Variants in GTF2B observed in about 807,000 individuals in gnomAD.
The protein encoded by GTF2B is transcription initiation factor IIB.
In GTF2B, 20 loss-of-function variants were observed where a neutral mutation model predicts 34.6. That is an observed-to-expected ratio of 0.58 (90% CI 0.41 to 0.84). GTF2B has a LOEUF of 0.84. GTF2B is among the 40% of genes least tolerant of loss of function. The probability of loss-of-function intolerance (pLI) is 0.00; values close to 1 mark genes in which losing one functional copy is unlikely to be tolerated. For synonymous variants in GTF2B, 142 were observed against 132.4 expected, an observed-to-expected ratio of 1.07 and a Z score of -0.50; for missense variants, 237 against 393.3, an observed-to-expected ratio of 0.60 and a Z score of 3.36.
intron 2 of GTF2B, among the ~76,000 whole-genome samples, chr1:88,881,397 G>C (rs986994984): frequency 2.0e-5 from 3 of 152,090 alleles, no homozygotes; most frequent in Non-Finnish European, 4.4e-5. Flanking sequence ...CTCATCAAGT[G>C]ACATATGATT....
intron 3 of GTF2B, among the ~76,000 whole-genome samples, chr1:88,863,457 C>T (rs1039742686): frequency 6.6e-6 from 1 of 152,128 alleles, no homozygotes; most frequent in African/African-American, 2.4e-5. Context: ...AATTCTTCTG[C>T]CTCAGCCTCG....
intron 2 of GTF2B, among the ~76,000 whole-genome samples, chr1:88,873,566 T>C (rs10218485): frequency 0.12 from 17,674 of 152,056 alleles, 2,476 homozygotes; most frequent in African/African-American, 0.34. Context: ...AAAATAGTAG[T>C]GACTTAAACA....
intron 2 of GTF2B, among the ~76,000 whole-genome samples, chr1:88,870,900 T>C (rs1673677209): frequency 7.1e-6 from 1 of 141,470 alleles, no homozygotes. Context: ...CACAGTCTTT[T>C]TTTTTTTTTT....
At position 88,881,919 on chromosome 1, in the gene GTF2B, TCTTC is replaced by T. The variant is rs544753948; in HGVS notation, c.124+5338_124+5341del. ...AAGCATACAAGTCTTGTGAATTGTA[TCTTC>T]CTTTTTCAGTTGATTAATCTCCACT... On this transcript the variant is annotated intron_variant, in intron 2 of 6. Transcript: ENST00000370500. 3.6e-4 allele frequency among the ~76,000 whole-genome samples: 55 copies of T among 152,258 alleles called. No homozygotes were observed. In the East Asian group the frequency reaches 0.01, roughly 28 times the overall value.
rs537165666 is a variant in GTF2B, at chr1:88,891,539, A to C, written c.-40T>G. ...CGGTGCCCGCAACAAGACACAACAG[A>C]CACACCGAAAGCAGGAAGCGAATGT... On this transcript the variant is annotated 5_prime_UTR_variant, in exon 1 of 7. Coordinates refer to ENST00000370500, the MANE Select transcript of GTF2B (RefSeq NM_001514.6). 1.4e-5 allele frequency: 22 copies of C among 1,584,460 alleles called. No individual in the cohort carries two copies. In the East Asian group the frequency reaches 4.3e-4, roughly 31 times the overall value.
At chr1:88,867,106 C>G (rs2100968950) in intron 2 of GTF2B, among the ~76,000 whole-genome samples, 1 of 152,266 alleles carries the variant, frequency 6.6e-6, no homozygotes, top group African/African-American at 2.4e-5. Flanking sequence ...GTACTATTCA[C>G]CAACAAGCCC....
chr1:88,887,620 T>C (rs1034831616), intron 1 of GTF2B: 7 of 394,784 alleles, frequency 1.8e-5, no homozygotes, highest in Middle Eastern at 7.9e-4. Context: ...TAGAAAATAA[T>C]TGTTTCTTCT....
chr1:88,875,832 C>T (rs12057453), intron 2 of GTF2B, among the ~76,000 whole-genome samples: 43,577 of 152,030 alleles, frequency 0.29, 7,095 homozygotes, highest in Admixed American at 0.37. Context: ...CAGTGACCAA[C>T]CAGCACAGTG....
chr1:88,857,690 C>T (rs1053432289), intron 5 of GTF2B, among the ~76,000 whole-genome samples: 2 of 5,660 alleles, frequency 3.5e-4, no homozygotes, highest in African/African-American at 6.8e-4. Context: ...GTTCATCACA[C>T]CTTTTTTTTT....
rs151067616 is a variant in GTF2B, at chr1:88,857,745, G to A, written c.536-258C>T. Among the ~76,000 whole-genome samples the A allele has an allele frequency of 2.9e-3, 345 of 119,034 alleles. 2 individuals carry two copies. Among genetic ancestry groups the A allele is most frequent in the African/African-American group, 0.011 (334 of 31,332 alleles). The allele number at this position is 119,034 out of a possible 152,430, so 78.1% of individuals were successfully genotyped here. On this transcript the variant is annotated intron_variant, in intron 5 of 6. Coordinates refer to ENST00000370500, the MANE Select transcript of GTF2B (RefSeq NM_001514.6). ...TCGCCCAGACTAAGGGTAGTGGCAT[G>A]ATCTCAGCTCACTGCAACCTCCACC...
chr1:88,885,088 G>A (rs1300304646), intron 2 of GTF2B, among the ~76,000 whole-genome samples: 2 of 152,200 alleles, frequency 1.3e-5, no homozygotes, highest in African/African-American at 4.8e-5. Context: ...GTTGTAATGT[G>A]AAAAGAGTCA....
intron 2 of GTF2B, among the ~76,000 whole-genome samples, chr1:88,865,286 TG>T (rs1673523715): frequency 6.6e-6 from 1 of 152,228 alleles, no homozygotes; most frequent in Non-Finnish European, 1.5e-5. Context: ...ATAATACCCA[TG>T]TACAGTGCAT....
At chr1:88,881,041 A>AAGG (rs1319802985) in intron 2 of GTF2B, among the ~76,000 whole-genome samples, 69 of 150,582 alleles carry the variant, frequency 4.6e-4, no homozygotes, top group African/African-American at 1.7e-3. Flanking sequence ...CTAGTAAGTG[A>AAGG]AGGTACAATT....
chr1:88,864,593 A>G (rs1238092215), intron 2 of GTF2B, among the ~76,000 whole-genome samples: 1 of 152,244 alleles, frequency 6.6e-6, no homozygotes, highest in African/African-American at 2.4e-5. Context: ...CAATCTGATG[A>G]AAAACATACC....
intron 3 of GTF2B, 126 bp downstream of exon 3, chr1:88,863,855 G>A (rs1673493817): frequency 7.9e-6 from 6 of 763,736 alleles, no homozygotes; most frequent in African/African-American, 1.7e-5. Context: ...TGATATTACT[G>A]GCAAATCTTA....
intron 2 of GTF2B, among the ~76,000 whole-genome samples, chr1:88,882,829 T>C (rs553280200): frequency 6.6e-4 from 101 of 152,364 alleles, no homozygotes; most frequent in African/African-American, 2.4e-3. Flanking sequence ...CTTCTCCTGA[T>C]AATGGCCTTT....
chr1:88,883,704 A>G (rs979983710), intron 2 of GTF2B, among the ~76,000 whole-genome samples: 4 of 152,186 alleles, frequency 2.6e-5, no homozygotes, highest in East Asian at 3.9e-4. Flanking sequence ...TACGTGCACA[A>G]GAGTGAATGA....
intron 6 of GTF2B, 116 bp from the exon 7 acceptor site, chr1:88,853,462 A>G: frequency 1.1e-6 from 1 of 914,666 alleles, no homozygotes; most frequent in Non-Finnish European, 1.7e-6. Flanking sequence ...AAACAAAACC[A>G]GAAGTGATTT....
chr1:88,859,988 C>G lies in GTF2B; in HGVS notation c.429G>C (p.Lys143Asn). The G allele has an allele frequency of 6.2e-7, 1 of 1,613,708 alleles. No individual in the cohort carries two copies. Among genetic ancestry groups the G allele is most frequent in the Non-Finnish European group, 8.5e-7 (1 of 1,179,668 alleles). ...NIVDRTNNLF[K>N]QVYEQKSLKG... Reference sequence around the variant, plus strand: ...TCAGGCTCTTCTGTTCATATACTTGCTTGAATAAATTATTTGTTCGATCCT... The same window carrying G: ...TCAGGCTCTTCTGTTCATATACTTGGTTGAATAAATTATTTGTTCGATCCT... The change falls in exon 5 of 7, where the codon AAG becomes AAC. Residue 143 changes from lysine to asparagine, a missense_variant. Coordinates refer to ENST00000370500, the MANE Select transcript of GTF2B (RefSeq NM_001514.6).
Sources: allele counts gnomAD v4.1 joint callset (sites outside exome capture counted in the v4.1 genomes callset), GRCh38; gene constraint gnomAD v4.1.1; transcripts MANE v1.5; gene names NCBI Gene and HGNC (gene_info 2026-07-23, HGNC 2026-07-21).